Variants in LAMA2 observed in about 807,000 individuals in gnomAD.
LAMA2 encodes the protein laminin subunit alpha-2.
Under a neutral mutation model 364.8 loss-of-function variants are expected in LAMA2, and 269 were observed. The observed-to-expected ratio is 0.74, with a 90% CI of 0.67 to 0.82. LAMA2 has a LOEUF of 0.82. LAMA2 is among the 40% of genes least tolerant of loss of function. LAMA2 has a pLI of 0.00. For missense variants in LAMA2, 3,807 were observed against 3,873.2 expected (o/e 0.98, Z 0.45); for synonymous variants, 1,379 against 1,370.6 (o/e 1.01, Z -0.14).
At chr6:129,385,858 G>A (rs1049255757) in intron 35 of LAMA2, among the ~76,000 whole-genome samples, 1 of 152,114 alleles carries the variant, frequency 6.6e-6, no homozygotes, top group Non-Finnish European at 1.5e-5. Flanking sequence ...TTACCCATCA[G>A]AGGATTTTGT....
intron 29 of LAMA2, among the ~76,000 whole-genome samples, chr6:129,334,084 C>T (rs143485352): frequency 4.0e-4 from 61 of 152,288 alleles, no homozygotes; most frequent in African/African-American, 1.4e-3. Context: ...TTTGAAATGG[C>T]CTCATGAGGC....
chr6:129,021,233 G>A (rs1307561139), intron 1 of LAMA2, among the ~76,000 whole-genome samples: 3 of 151,880 alleles, frequency 2.0e-5, no homozygotes, highest in Admixed American at 1.3e-4. Flanking sequence ...TTATGAACCG[G>A]GCAAAATGTT....
chr6:128,915,647 G>A (rs1411235642), intron 1 of LAMA2, among the ~76,000 whole-genome samples: 1 of 152,184 alleles, frequency 6.6e-6, no homozygotes, highest in Non-Finnish European at 1.5e-5. Flanking sequence ...AAACTTGGCA[G>A]TGTCTTATAT....
chr6:129,228,601 G>T (rs768212294), intron 12 of LAMA2, among the ~76,000 whole-genome samples: 36 of 151,726 alleles, frequency 2.4e-4, no homozygotes, highest in Non-Finnish European at 4.4e-4. Context: ...TAATATATTA[G>T]TATCATAACA....
chr6:129,231,982 C>T (rs2115131815), intron 12 of LAMA2, among the ~76,000 whole-genome samples: 1 of 152,198 alleles, frequency 6.6e-6, no homozygotes, highest in East Asian at 1.9e-4. Context: ...TATGGAGTTC[C>T]AAATACCTTT....
At chr6:128,929,210 C>T in intron 1 of LAMA2, 5 of 1,490,984 alleles carry the variant, frequency 3.4e-6, no homozygotes, top group African/African-American at 1.4e-5. Context: ...TCCCACCCAG[C>T]GCCTTCTGAG....
At chr6:129,409,363 A>G (rs1780408357) in intron 40 of LAMA2, among the ~76,000 whole-genome samples, 1 of 152,130 alleles carries the variant, frequency 6.6e-6, no homozygotes, top group Non-Finnish European at 1.5e-5. Context: ...GGGTGGCAGG[A>G]GTGGAGGCCA....
intron 12 of LAMA2, among the ~76,000 whole-genome samples, chr6:129,237,331 C>CTGTTGTTGTTGT (rs75386790): frequency 6.6e-6 from 1 of 150,444 alleles, no homozygotes; most frequent in African/African-American, 2.4e-5. Context: ...CATTGTTTTT[C>CTGTTGTTGTTGT]TGTTGTTGTT....
At chr6:129,413,751 T>G (rs1305911437) in intron 40 of LAMA2, among the ~76,000 whole-genome samples, 2 of 152,140 alleles carry the variant, frequency 1.3e-5, no homozygotes, top group Non-Finnish European at 2.9e-5. Flanking sequence ...AAAATTTGTG[T>G]GTGCAAATAA....
At chr6:128,936,859 T>C (rs1024095940) in intron 1 of LAMA2, among the ~76,000 whole-genome samples, 1 of 152,122 alleles carries the variant, frequency 6.6e-6, no homozygotes, top group Non-Finnish European at 1.5e-5. Context: ...ACCATCTGCT[T>C]TGAGCGACCC....
chr6:129,034,822 G>A (rs1381739288), intron 1 of LAMA2, among the ~76,000 whole-genome samples: 2 of 152,080 alleles, frequency 1.3e-5, no homozygotes, highest in African/African-American at 4.8e-5. Context: ...TTTTATGGCT[G>A]CACAGTATTC....
chr6:129,492,141 C>T (rs1276074751), intron 57 of LAMA2, 64 bp downstream of exon 57: 4 of 1,472,736 alleles, frequency 2.7e-6, no homozygotes, highest in African/African-American at 2.8e-5. Context: ...TTAGGGGTCC[C>T]AATGCATCTA....
At chr6:128,886,457 A>C (rs1776153629) in intron 1 of LAMA2, among the ~76,000 whole-genome samples, 1 of 152,206 alleles carries the variant, frequency 6.6e-6, no homozygotes, top group Admixed American at 6.5e-5. Context: ...GCTCACTTTT[A>C]CACAAAACTC....
intron 1 of LAMA2, among the ~76,000 whole-genome samples, chr6:129,043,864 T>C (rs1280269167): frequency 6.6e-6 from 1 of 152,178 alleles, no homozygotes; most frequent in Non-Finnish European, 1.5e-5. Context: ...ACCTAAAATC[T>C]CTGTTCAGTT....
intron 4 of LAMA2, among the ~76,000 whole-genome samples, chr6:129,127,084 A>C (rs1286503987): frequency 6.6e-6 from 1 of 152,156 alleles, no homozygotes; most frequent in African/African-American, 2.4e-5. Context: ...AAAAAGAAAA[A>C]TCTGATATGA....
chr6:129,188,545 C>A (rs557753418), intron 10 of LAMA2, among the ~76,000 whole-genome samples: 1 of 151,954 alleles, frequency 6.6e-6, no homozygotes, highest in Admixed American at 6.6e-5. Flanking sequence ...ATCTTTCTTG[C>A]CTTTATACTC....
In LAMA2 at chr6:129,456,360, G is replaced by A. The variant is rs762385070; in HGVS notation, c.6733G>A (p.Val2245Met). ...SRTGRNGTISVRALDGPKASI... is the reference protein window; with the variant it reads ...SRTGRNGTISMRALDGPKASI... ...AACTGGGAGAAATGGAACTATTTCT[G>A]TGAGAGCCCTGGATGGACCCAAAGC... Residue 2245 changes from valine to methionine, a missense_variant, in exon 48 of 65, where the codon GTG (valine) becomes ATG (methionine). This residue lies in a region of LAMA2 where 3,333 missense variants were observed against 3,345.7 expected (regional missense o/e 1.00). Coordinates refer to ENST00000421865, the MANE Select transcript of LAMA2 (RefSeq NM_000426.4). The A allele has an allele frequency of 2.5e-6, 4 of 1,613,578 alleles. No homozygotes were observed. In the South Asian group the frequency reaches 3.3e-5, roughly 13 times the overall value.
chr6:129,141,256 A>G (rs1424035414), intron 4 of LAMA2, among the ~76,000 whole-genome samples: 2 of 152,104 alleles, frequency 1.3e-5, no homozygotes, highest in East Asian at 3.9e-4. Context: ...ATATTTATCC[A>G]TTCTTTTAAC....
chr6:129,090,139 C>T (rs1052794365), intron 3 of LAMA2, among the ~76,000 whole-genome samples: 2 of 152,026 alleles, frequency 1.3e-5, no homozygotes, highest in Non-Finnish European at 2.9e-5. Context: ...CTTTTTTATT[C>T]TGATATAAAA....
Sources: gnomAD v4.1 joint callset for allele counts (sites outside exome capture counted in the v4.1 genomes callset) on GRCh38, gnomAD v4.1.1 for gene constraint, gnomAD v4.1.1 regional missense constraint, MANE v1.5 for transcripts, NCBI Gene and HGNC (gene_info 2026-07-23, HGNC 2026-07-21) for gene names.